Variants in BTG4 observed in about 807,000 individuals in gnomAD.
The protein encoded by BTG4 is BTG anti-proliferation factor 4.
A neutral mutation model predicts 19.3 loss-of-function variants in BTG4; 10 were observed. The ratio of observed to expected loss-of-function variants is 0.52; its 90% CI spans 0.32 to 0.88. The LOEUF is 0.88. Among genes scored for constraint, BTG4 ranks in the 40% least tolerant of loss-of-function variants. The pLI, the probability that BTG4 is intolerant of heterozygous loss-of-function variation, is 0.04. For synonymous variants in BTG4, 91 were observed against 95.7 expected (o/e 0.95, Z 0.29); for missense variants, 238 against 281.9 (o/e 0.84, Z 1.11).
the BTG4 span, among the ~76,000 whole-genome samples, chr11:111,421,177 G>T: frequency 2.6e-5 from 4 of 152,196 alleles, no homozygotes; most frequent in Admixed American, 2.6e-4. Context: ...CTCAGAGAGG[G>T]CACCTCATAT....
the BTG4 span, among the ~76,000 whole-genome samples, chr11:111,442,985 A>C: frequency 6.6e-5 from 10 of 152,334 alleles, no homozygotes; most frequent in East Asian, 1.7e-3. Context: ...AGGGAAAAAG[A>C]GTAACCTCTA....
chr11:111,478,299 G>A (rs563539922), intron 5 of BTG4, among the ~76,000 whole-genome samples: 41 of 152,136 alleles, frequency 2.7e-4, no homozygotes, highest in Non-Finnish European at 5.1e-4. Context: ...ATTAATGGAG[G>A]CCAAGAGGGA....
chr11:111,457,025 C>A, the BTG4 span: 1 of 154,696 alleles, frequency 6.5e-6, no homozygotes, highest in Non-Finnish European at 1.4e-5. Context: ...GAGGCTGGTG[C>A]ATTAAAGGGT....
At chr11:111,491,992 TACAC>T (rs1160105871), downstream of BTG4, among the ~76,000 whole-genome samples, 3 of 152,166 alleles carry the variant, frequency 2.0e-5, no homozygotes, top group East Asian at 5.8e-4. Flanking sequence ...TCTAAAGGAT[TACAC>T]AGGGATCATA....
At chr11:111,456,932 G>C in the BTG4 span, 1 of 169,342 alleles carries the variant, frequency 5.9e-6, no homozygotes, top group African/African-American at 2.3e-5. The surrounding 1 kb of genome is among the most constrained non-coding windows in gnomAD (Gnocchi z 4.2). Flanking sequence ...TGACATTCTT[G>C]CTGGATCCAG....
chr11:111,444,486 G>A, the BTG4 span, among the ~76,000 whole-genome samples: 1 of 152,062 alleles, frequency 6.6e-6, no homozygotes, highest in Admixed American at 6.5e-5. Context: ...AGGTGGGGAT[G>A]GTTAATGGGT....
upstream of BTG4, chr11:111,513,131 C>A (rs1029993946): frequency 5.2e-6 from 2 of 383,422 alleles, no homozygotes; most frequent in East Asian, 8.4e-5. Context: ...CGCAGCCTGC[C>A]CCGCGAGCGC....
At chr11:111,447,285 A>T in the BTG4 span, among the ~76,000 whole-genome samples, 3 of 152,374 alleles carry the variant, frequency 2.0e-5, no homozygotes, top group Admixed American at 2.0e-4. Context: ...CTTTAAGAGC[A>T]CTTGACTGGT....
intron 5 of BTG4, chr11:111,469,303 C>G (rs1863914944): frequency 6.6e-6 from 1 of 152,340 alleles, no homozygotes; most frequent in African/African-American, 2.4e-5. Flanking sequence ...TGGGGAACCC[C>G]ACCAGGACTC....
chr11:111,409,055 T>C, the BTG4 span, among the ~76,000 whole-genome samples: 1 of 152,160 alleles, frequency 6.6e-6, no homozygotes, highest in African/African-American at 2.4e-5. Flanking sequence ...GATAACGCCA[T>C]TTCAGAAGGA....
At chr11:111,440,787 T>C in the BTG4 span, among the ~76,000 whole-genome samples, 1 of 152,242 alleles carries the variant, frequency 6.6e-6, no homozygotes, top group Non-Finnish European at 1.5e-5. Context: ...CCTTGCAGAA[T>C]GGCACCAGCA....
At chr11:111,465,801 C>A (rs560470013), downstream of BTG4, among the ~76,000 whole-genome samples, 3 of 152,224 alleles carry the variant, frequency 2.0e-5, no homozygotes, top group Middle Eastern at 3.4e-3. Context: ...AGAATGAGGC[C>A]ATGCTTCTAC....
chr11:111,497,280 G>A lies in BTG4; in HGVS notation c.441C>T (p.Cys147=), dbSNP rs200909052. 142 of 1,611,014 alleles carry A rather than the reference G, an allele frequency of 8.8e-5. No homozygotes were observed. In the Middle Eastern group the frequency reaches 1.5e-3, roughly 17 times the overall value. Residue 147 remains cysteine, a synonymous_variant, in exon 4 of 5, where the codon TGC becomes TGT. Transcript: ENST00000692032. Reference sequence around the variant, plus strand: ...GTTCCTTGCTACAACTTTCTTCATCGCAGGAAGTGCCAGAGGAAACGTCTG... The same window carrying A: ...GTTCCTTGCTACAACTTTCTTCATCACAGGAAGTGCCAGAGGAAACGTCTG... The part of the protein sequence containing the change: ...ASSDVSSGTS[C]DEESCSKEPR...
At chr11:111,471,702 G>T (rs1467789665) in intron 5 of BTG4, among the ~76,000 whole-genome samples, 1 of 152,070 alleles carries the variant, frequency 6.6e-6, no homozygotes, top group African/African-American at 2.4e-5. Context: ...ATATGTCAAT[G>T]ACCCTCAAAT....
the BTG4 span, among the ~76,000 whole-genome samples, chr11:111,415,608 C>A: frequency 6.6e-6 from 1 of 152,112 alleles, no homozygotes; most frequent in Non-Finnish European, 1.5e-5. Flanking sequence ...CTAAGGATGG[C>A]CTTTCCCAAT....
chr11:111,427,765 G>A, the BTG4 span, among the ~76,000 whole-genome samples: 1 of 152,180 alleles, frequency 6.6e-6, no homozygotes, highest in Non-Finnish European at 1.5e-5. Flanking sequence ...AAGGGGAGGG[G>A]TCAGTCAAAT....
At chr11:111,461,708 C>T in the BTG4 span, among the ~76,000 whole-genome samples, 1 of 152,010 alleles carries the variant, frequency 6.6e-6, no homozygotes, top group Non-Finnish European at 1.5e-5. Context: ...CATGAGACTC[C>T]GTCTCAAAAA....
At chr11:111,475,892 T>A (rs1864367968) in intron 5 of BTG4, among the ~76,000 whole-genome samples, 1 of 152,078 alleles carries the variant, frequency 6.6e-6, no homozygotes, top group Non-Finnish European at 1.5e-5. Flanking sequence ...AGTCACATCT[T>A]ACATGGCAGC....
At chr11:111,393,451 G>T in the BTG4 span, among the ~76,000 whole-genome samples, 1 of 152,192 alleles carries the variant, frequency 6.6e-6, no homozygotes, top group Admixed American at 6.5e-5. Flanking sequence ...ACACACTGAA[G>T]ACCGGTGGTA....
Sources: allele counts gnomAD v4.1 joint callset (sites outside exome capture counted in the v4.1 genomes callset), GRCh38; gene constraint gnomAD v4.1.1; non-coding constraint Gnocchi (gnomAD v3.1); transcripts MANE v1.5; gene names NCBI Gene and HGNC (gene_info 2026-07-23, HGNC 2026-07-21).